Variants in MATN2 observed in about 807,000 individuals in gnomAD.
The protein encoded by MATN2 is matrilin-2.
MATN2 carries 69 observed loss-of-function variants against 103.2 expected under a neutral mutation model. The observed-to-expected ratio is 0.67, with a 90% CI of 0.55 to 0.82. MATN2 has a LOEUF of 0.82. MATN2 is among the 40% of genes least tolerant of loss of function. The pLI, the probability that MATN2 is intolerant of heterozygous loss-of-function variation, is 0.00. For missense variants in MATN2, 1,023 were observed against 1,211.5 expected, an observed-to-expected ratio of 0.84 and a Z score of 2.31; for synonymous variants, 429 against 450.2, an observed-to-expected ratio of 0.95 and a Z score of 0.60.
chr8:97,986,908 C>A (rs1288205160), intron 6 of MATN2, among the ~76,000 whole-genome samples: 1 of 152,130 alleles, frequency 6.6e-6, no homozygotes, highest in African/African-American at 2.4e-5. Flanking sequence ...TCTCGGCTCA[C>A]TGCAAGCTCC....
At chr8:98,010,217 C>T (rs1214236360) in intron 10 of MATN2, among the ~76,000 whole-genome samples, 1 of 152,150 alleles carries the variant, frequency 6.6e-6, no homozygotes. Context: ...CAATGTCACC[C>T]CCATGGGTAA....
intron 2 of MATN2, among the ~76,000 whole-genome samples, chr8:97,914,358 CTTTTTTTTTTTTTTT>C (rs149996231): frequency 1.7e-4 from 9 of 52,936 alleles, no homozygotes; most frequent in South Asian, 1.3e-3. Context: ...AAATCCAGAC[CTTTTTTTTTTTTTTT>C]TTTTTTTTTT....
At chr8:98,014,929 T>C (rs1444054526) in intron 10 of MATN2, among the ~76,000 whole-genome samples, 1 of 152,232 alleles carries the variant, frequency 6.6e-6, no homozygotes, top group Non-Finnish European at 1.5e-5. Context: ...CTACTCAATC[T>C]GAAAGGATTG....
chr8:97,933,761 G>C (rs1810280202), intron 3 of MATN2, among the ~76,000 whole-genome samples: 1 of 152,112 alleles, frequency 6.6e-6, no homozygotes, highest in Admixed American at 6.6e-5. Context: ...CACTCTGCAG[G>C]AGACAGGGCT....
Position 98,030,538 on chromosome 8 carries a change from C to T in MATN2, c.2433C>T (p.Asn811=). The T allele has an allele frequency of 6.2e-7, 1 of 1,613,860 alleles. No homozygotes were observed. The highest frequency in any genetic ancestry group is 1.3e-5 in the African/African-American group (1 of 75,032). ...AAGAGATTGCCTCTGAGCCCACAAA[C>T]AAGCATCTCTTCTATGCCGAAGACT... ...ELQEIASEPT[N]KHLFYAEDFS... Residue 811 remains asparagine, a synonymous_variant, in exon 15 of 19, where the codon AAC becomes AAT. Transcript: ENST00000254898.
At chr8:97,944,356 C>T (rs531718834) in intron 4 of MATN2, among the ~76,000 whole-genome samples, 2 of 152,182 alleles carry the variant, frequency 1.3e-5, no homozygotes, top group Non-Finnish European at 2.9e-5. Context: ...CTCCAGTCAC[C>T]CTGAAGCAGT....
intron 1 of MATN2, among the ~76,000 whole-genome samples, chr8:97,887,107 G>T (rs543369450): frequency 1.3e-5 from 2 of 152,214 alleles, no homozygotes; most frequent in African/African-American, 4.8e-5. Flanking sequence ...GGCCAGGCTG[G>T]TCTCAAACTC....
At chr8:97,886,779 T>C (rs942352837) in intron 1 of MATN2, among the ~76,000 whole-genome samples, 1 of 152,170 alleles carries the variant, frequency 6.6e-6, no homozygotes, top group African/African-American at 2.4e-5. Flanking sequence ...GCCCTGTCCC[T>C]GCCTCTGACA....
intron 1 of MATN2, among the ~76,000 whole-genome samples, 181 bp downstream of exon 1, chr8:97,869,468 G>A (rs1418354643): frequency 1.3e-5 from 2 of 152,166 alleles, no homozygotes; most frequent in African/African-American, 2.4e-5. Context: ...CGAGGACAGG[G>A]GGAGAGGGAG....
intron 5 of MATN2, among the ~76,000 whole-genome samples, chr8:97,972,636 T>C (rs1389034004): frequency 6.6e-6 from 1 of 152,238 alleles, no homozygotes; most frequent in African/African-American, 2.4e-5. Context: ...AACGTTAGAA[T>C]TGGACCAGGT....
At chr8:98,035,068 TAA>T (rs902892873) in intron 18 of MATN2, among the ~76,000 whole-genome samples, 1 of 149,876 alleles carries the variant, frequency 6.7e-6, no homozygotes, top group African/African-American at 2.5e-5. Flanking sequence ...AAATAATAAA[TAA>T]AATAAGGCCG....
chr8:97,888,636 A>G (rs1395266916), intron 2 of MATN2, among the ~76,000 whole-genome samples: 1 of 152,194 alleles, frequency 6.6e-6, no homozygotes, highest in Admixed American at 6.5e-5. Context: ...GAGCTGGGCC[A>G]GAAGAGAGGT....
At chr8:97,992,572 C>T (rs2130350161) in intron 6 of MATN2, among the ~76,000 whole-genome samples, 1 of 151,586 alleles carries the variant, frequency 6.6e-6, no homozygotes, top group Non-Finnish European at 1.5e-5. Flanking sequence ...ATGGTGAAAC[C>T]CCATCTCCAC....
At chr8:97,930,143 C>T (rs1531038) in intron 2 of MATN2, among the ~76,000 whole-genome samples, 64,367 of 152,064 alleles carry the variant, frequency 0.42, 14,776 homozygotes, top group East Asian at 0.83. Context: ...CACGTCCCAT[C>T]TCCTTGACCC....
Position 98,032,316 on chromosome 8 carries a change from A to G in MATN2, c.2580A>G (p.Thr860=), listed in dbSNP as rs1484332131. 1 of 1,608,594 alleles carries G rather than the reference A, an allele frequency of 6.2e-7. No individual in the cohort carries two copies. Among genetic ancestry groups the G allele is most frequent in the Non-Finnish European group, 8.5e-7 (1 of 1,177,284 alleles). ...GELPKTVQQP[T]ESEPVTINIQ... is the part of the protein sequence containing the mutation. ...TGCCAAAAACGGTCCAACAGCCAAC[A>G]GGTACAGTTTTTAAGGCAGTGTTTT... The change falls in exon 16 of 19, where the codon ACA becomes ACG. Residue 860 remains threonine (T), a splice_region_variant and synonymous_variant. Coordinates refer to ENST00000254898, the MANE Select transcript of MATN2 (RefSeq NM_002380.5).
intron 2 of MATN2, among the ~76,000 whole-genome samples, chr8:97,922,715 A>G (rs1809851650): frequency 6.6e-6 from 1 of 152,196 alleles, no homozygotes; most frequent in Non-Finnish European, 1.5e-5. Flanking sequence ...AGAGCCTGAG[A>G]CAGTCAACCA....
chr8:97,886,924 G>A (rs1818449480), intron 1 of MATN2, among the ~76,000 whole-genome samples: 1 of 150,924 alleles, frequency 6.6e-6, no homozygotes, highest in Non-Finnish European at 1.5e-5. Flanking sequence ...TTTTGAGATA[G>A]GGTCTCGTGC....
At chr8:98,028,743 C>T (rs1221723756) in intron 14 of MATN2, among the ~76,000 whole-genome samples, 6 of 152,230 alleles carry the variant, frequency 3.9e-5, no homozygotes, top group East Asian at 1.9e-4. Flanking sequence ...CCCGCCACCA[C>T]GCCCAGCTAA....
At chr8:97,904,144 C>A (rs1819083791) in intron 2 of MATN2, among the ~76,000 whole-genome samples, 1 of 152,156 alleles carries the variant, frequency 6.6e-6, no homozygotes, top group Non-Finnish European at 1.5e-5. Context: ...AAGTTAGCTT[C>A]ATGAAAATAA....
Sources: gnomAD v4.1 joint callset for allele counts (sites outside exome capture counted in the v4.1 genomes callset) on GRCh38, gnomAD v4.1.1 for gene constraint, MANE v1.5 for transcripts, NCBI Gene and HGNC (gene_info 2026-07-23, HGNC 2026-07-21) for gene names.